Variants in STAU2 observed in about 807,000 individuals in gnomAD.
STAU2 encodes the protein double-stranded RNA-binding protein Staufen homolog 2.
In STAU2, 20 loss-of-function variants were observed where a neutral mutation model predicts 65.9. That is an observed-to-expected ratio of 0.30 (90% CI 0.21 to 0.44). STAU2 has a LOEUF of 0.44. Ranked by LOEUF, STAU2 falls within the 20% of genes least tolerant of loss-of-function variation. STAU2 has a pLI of 1.00. For synonymous variants in STAU2, 232 were observed against 233.9 expected, an observed-to-expected ratio of 0.99 and a Z score of 0.07; for missense variants, 558 against 683.9, an observed-to-expected ratio of 0.82 and a Z score of 2.05.
intron 6 of STAU2, among the ~76,000 whole-genome samples, chr8:73,636,202 C>T (rs1489478156): frequency 3.3e-5 from 5 of 152,174 alleles, no homozygotes; most frequent in African/African-American, 1.2e-4. Context: ...AAAGATAAGA[C>T]AACAAAACCC....
intron 4 of STAU2, among the ~76,000 whole-genome samples, chr8:73,696,599 G>A (rs1285030536): frequency 6.6e-6 from 1 of 152,174 alleles, no homozygotes; most frequent in Admixed American, 6.5e-5. Context: ...CTGACATGAT[G>A]AGGACTACAT....
intron 13 of STAU2, among the ~76,000 whole-genome samples, chr8:73,460,194 C>A (rs1819278994): frequency 6.6e-6 from 1 of 152,184 alleles, no homozygotes; most frequent in Admixed American, 6.5e-5. Context: ...TTCCTTCTAG[C>A]CTCTTCGATG....
chr8:73,436,118 T>C (rs2383893), intron 13 of STAU2, among the ~76,000 whole-genome samples: 108,136 of 151,862 alleles, frequency 0.71, 39,758 homozygotes, highest in East Asian at 0.9. Flanking sequence ...TTACGGTTAT[T>C]TCATCATTTT....
intron 6 of STAU2, among the ~76,000 whole-genome samples, chr8:73,628,934 T>C (rs1563468322): frequency 6.6e-6 from 1 of 152,202 alleles, no homozygotes; most frequent in Non-Finnish European, 1.5e-5. Flanking sequence ...CTTTGGATGT[T>C]TGCCCACTTC....
intron 11 of STAU2, among the ~76,000 whole-genome samples, chr8:73,590,147 G>GAGGATAAGAAGGA (rs1454840763): frequency 3.2e-5 from 4 of 123,104 alleles, no homozygotes; most frequent in African/African-American, 1.4e-4. Context: ...GAAGAAGGAA[G>GAGGATAAGAAGGA]GAAGAGGATA....
At chr8:73,457,099 G>T (rs1819110299) in intron 13 of STAU2, among the ~76,000 whole-genome samples, 1 of 152,056 alleles carries the variant, frequency 6.6e-6, no homozygotes, top group African/African-American at 2.4e-5. Flanking sequence ...AATCCTCTCT[G>T]GCCTTTTCTA....
chr8:73,585,783 C>T (rs776420898), intron 11 of STAU2, among the ~76,000 whole-genome samples: 1 of 152,152 alleles, frequency 6.6e-6, no homozygotes, highest in African/African-American at 2.4e-5. Context: ...TGTGTCCCCA[C>T]CAAAATCTCA....
At chr8:73,557,051 A>C (rs992253125) in intron 12 of STAU2, among the ~76,000 whole-genome samples, 2 of 152,196 alleles carry the variant, frequency 1.3e-5, no homozygotes, top group African/African-American at 4.8e-5. Flanking sequence ...AAATGTTATA[A>C]TTCTAACTTC....
At chr8:73,515,375 G>A (rs930017601) in intron 13 of STAU2, among the ~76,000 whole-genome samples, 1 of 152,216 alleles carries the variant, frequency 6.6e-6, no homozygotes, top group Non-Finnish European at 1.5e-5. Context: ...CTGCCAGCAA[G>A]TAGACTGATA....
In STAU2 at chr8:73,738,316, G is replaced by A. The variant is rs1272029030; in HGVS notation, c.-50C>T. The stretch of plus-strand genomic sequence containing the variant: ...ATTTGAAGCATGTTAAGACAATATT[G>A]ACCAAACTGCTGTATCCCTCACGGC... On this transcript the variant is annotated 5_prime_UTR_variant, in exon 3 of 15. Transcript: ENST00000524300. 1.2e-6 allele frequency: 2 copies of A among 1,604,802 alleles called. No homozygotes were observed. The highest frequency in any genetic ancestry group is 1.3e-5 in the African/African-American group (1 of 74,328).
chr8:73,698,624 G>C (rs1052175435), intron 4 of STAU2, among the ~76,000 whole-genome samples: 1 of 152,102 alleles, frequency 6.6e-6, no homozygotes, highest in African/African-American at 2.4e-5. Flanking sequence ...AAATATATAT[G>C]CAACCAACAC....
At position 73,738,358 on chromosome 8, in the gene STAU2, C is replaced by G. The variant is rs894299377; in HGVS notation, c.-83-9G>C. 1.3e-6 allele frequency: 2 copies of G among 1,579,234 alleles called. No homozygotes were observed. Among genetic ancestry groups the G allele is most frequent in the Non-Finnish European group, 1.7e-6 (2 of 1,169,516 alleles). ...CCTCACGGCTCCAAAAACTGGAAAA[C>G]GAAAATGAAGAAATAAAGTTCAACT... On this transcript the variant is annotated splice_polypyrimidine_tract_variant and intron_variant, in intron 2 of 14. Coordinates refer to ENST00000524300, the MANE Select transcript of STAU2 (RefSeq NM_001164380.2).
intron 11 of STAU2, among the ~76,000 whole-genome samples, chr8:73,588,989 T>C (rs1433098731): frequency 6.6e-6 from 1 of 151,982 alleles, no homozygotes; most frequent in Non-Finnish European, 1.5e-5. Flanking sequence ...ATAGCAGCAG[T>C]CTACTACAGA....
intron 13 of STAU2, among the ~76,000 whole-genome samples, chr8:73,489,831 G>A (rs1821076762): frequency 6.6e-6 from 1 of 151,944 alleles, no homozygotes; most frequent in Non-Finnish European, 1.5e-5. Context: ...AAGTTTCTTA[G>A]GAGCATTAAC....
At chr8:73,651,583 G>A in intron 6 of STAU2, 1 of 792,224 alleles carries the variant, frequency 1.3e-6, no homozygotes, top group Non-Finnish European at 2.1e-6. Flanking sequence ...CCCTGCCTGG[G>A]CCCCAGACTC....
intron 13 of STAU2, among the ~76,000 whole-genome samples, chr8:73,482,211 G>A (rs559847465): frequency 6.6e-6 from 1 of 152,112 alleles, no homozygotes; most frequent in East Asian, 1.9e-4. Context: ...GCATTGCCAG[G>A]AGTCTCTTGG....
At chr8:73,702,478 T>C (rs1454330877) in intron 4 of STAU2, among the ~76,000 whole-genome samples, 2 of 152,138 alleles carry the variant, frequency 1.3e-5, no homozygotes, top group African/African-American at 4.8e-5. Context: ...ACCAAATACG[T>C]TGTATGCATT....
chr8:73,709,900 A>C (rs1820773018), intron 3 of STAU2, among the ~76,000 whole-genome samples: 1 of 152,114 alleles, frequency 6.6e-6, no homozygotes, highest in Non-Finnish European at 1.5e-5. Flanking sequence ...CATTATAATA[A>C]ACATTCTCAC....
intron 3 of STAU2, among the ~76,000 whole-genome samples, chr8:73,719,384 A>G (rs558636868): frequency 5.9e-5 from 9 of 152,220 alleles, no homozygotes; most frequent in Non-Finnish European, 8.8e-5. Context: ...TGGGCAACAG[A>G]GCGAGACTGT....
Sources: allele counts gnomAD v4.1 joint callset (sites outside exome capture counted in the v4.1 genomes callset), GRCh38; gene constraint gnomAD v4.1.1; transcripts MANE v1.5; gene names NCBI Gene and HGNC (gene_info 2026-07-23, HGNC 2026-07-21).